Variants in FLNB observed in about 807,000 individuals in gnomAD.
The protein encoded by FLNB is filamin-B.
FLNB carries 111 observed loss-of-function variants against 250.6 expected under a neutral mutation model. The observed-to-expected ratio is 0.44, with a 90% confidence interval of 0.38 to 0.52. The LOEUF (loss-of-function observed/expected upper bound fraction) is 0.52. FLNB is among the 20% of genes least tolerant of loss of function. The probability of loss-of-function intolerance (pLI) is 0.00; values close to 1 mark genes in which losing one functional copy is unlikely to be tolerated. For missense variants in FLNB, 2,869 were observed against 3,447.8 expected (o/e 0.83, Z 4.20); for synonymous variants, 1,302 against 1,372.1 (o/e 0.95, Z 1.13).
Position 58,123,522 on chromosome 3 carries a change from A to T in FLNB, c.3556A>T (p.Lys1186Ter). The stretch of plus-strand genomic sequence containing the variant: ...AGCCGAAGTCAGTATTCAGAACAAC[A>T]AAGATGGCACCTACGCGGTGACCTA... Reference protein sequence around the residue: ...TKAEVSIQNNKDGTYAVTYVP... With the variant: ...TKAEVSIQNN Residue 1186 changes from lysine to a stop codon, truncating the protein, a stop_gained, in exon 21 of 46, where the codon AAA becomes TAA. Transcript: ENST00000295956. LOFTEE classifies it high-confidence loss of function. The T allele has an allele frequency of 6.2e-7, 1 of 1,605,486 alleles. No homozygotes were observed. The highest frequency in any genetic ancestry group is 8.5e-7 in the Non-Finnish European group (1 of 1,175,394).
chr3:58,051,709 T>C (rs1334459516), intron 1 of FLNB, among the ~76,000 whole-genome samples: 1 of 151,692 alleles, frequency 6.6e-6, no homozygotes, highest in Non-Finnish European at 1.5e-5. Flanking sequence ...CTTTTTGATG[T>C]GTAGCCAGGG....
intron 32 of FLNB, 107 bp downstream of exon 32, chr3:58,143,720 T>C: frequency 7.1e-7 from 1 of 1,412,520 alleles, no homozygotes; most frequent in Non-Finnish European, 9.8e-7. Flanking sequence ...GGCAGCAGGC[T>C]GGAGAATGCA....
At chr3:58,133,335 G>A (rs1252933706) in intron 26 of FLNB, among the ~76,000 whole-genome samples, 4 of 149,168 alleles carry the variant, frequency 2.7e-5, no homozygotes, top group Admixed American at 6.8e-5. Context: ...GGTGGGATTC[G>A]CCTGTAATCC....
chr3:58,163,407 C>T, intron 43 of FLNB, 77 bp downstream of exon 43: 2 of 1,499,162 alleles, frequency 1.3e-6, no homozygotes, highest in Non-Finnish European at 9.3e-7. Context: ...TCCTCAAGCC[C>T]CATGAAAGCT....
chr3:58,145,843 G>T (rs1287425352), intron 32 of FLNB, 78 bp from the exon 33 acceptor site: 4 of 1,591,436 alleles, frequency 2.5e-6, no homozygotes, highest in Non-Finnish European at 3.4e-6. Flanking sequence ...AGAGGTGGAC[G>T]TCAAGATGCC....
chr3:58,143,760 C>G (rs1186262942), intron 32 of FLNB, 147 bp downstream of exon 32: 1 of 959,016 alleles, frequency 1.0e-6, no homozygotes, highest in South Asian at 1.4e-5. Context: ...ACCAAACAGT[C>G]TGGGACCCTA....
chr3:58,166,929 C>T (rs754751318), intron 43 of FLNB, among the ~76,000 whole-genome samples: 2 of 152,128 alleles, frequency 1.3e-5, no homozygotes, highest in African/African-American at 4.8e-5. Flanking sequence ...AGCTCAAGAC[C>T]AGCCTGGCCA....
At chr3:58,105,367 T>G in intron 11 of FLNB, 151 bp downstream of exon 11, 1 of 957,742 alleles carries the variant, frequency 1.0e-6, no homozygotes, top group East Asian at 2.6e-5. Flanking sequence ...TGCGTGCTGC[T>G]GTACATTTGC....
Position 58,008,837 on chromosome 3 carries a change from C to T in FLNB, c.273C>T (p.Ser91=). ...SVALEFLDRE[S]IKLVSIDSKA... ...CGCTCGAGTTCCTGGACCGTGAGAG[C>T]ATCAAGCTCGTGTCCATCGGTGAGT... is the stretch of plus-strand genomic sequence containing the variant. Residue 91 remains serine, a synonymous_variant, in exon 1 of 46, where the codon AGC becomes AGT. Transcript: ENST00000295956. The T allele has an allele frequency of 8.7e-6, 14 of 1,613,844 alleles. No homozygotes were observed. The highest frequency in any genetic ancestry group is 1.2e-5 in the Non-Finnish European group (14 of 1,180,018).
rs1159952920 is a variant in FLNB at position 58,138,327 on chromosome 3, T to A, written c.4907T>A (p.Phe1636Tyr). 1 of 1,614,148 alleles carries A rather than the reference T, an allele frequency of 6.2e-7. No individual in the cohort carries two copies. The highest frequency in any genetic ancestry group is 8.5e-7 in the Non-Finnish European group (1 of 1,180,014). The change falls in exon 29 of 46, where the codon TTT (phenylalanine) becomes TAT (tyrosine). Residue 1636 changes from phenylalanine to tyrosine, a missense_variant. By Grantham distance (22) the Phe-to-Tyr change is conservative (BLOSUM62 3). Around this residue, in one of 5 missense-constraint regions of FLNB, gnomAD observed 1,084 missense variants for 1,315.5 expected, o/e 0.82. Coordinates refer to ENST00000295956, the MANE Select transcript of FLNB (RefSeq NM_001457.4). ...STVKTGEEVG[F>Y]VVDAKTAGKG... ...GTGAAAACTGGCGAAGAAGTAGGCT[T>A]TGTGGTTGATGCCAAGACTGCCGGG...
chr3:58,117,055 G>A (rs1402799546), intron 18 of FLNB, among the ~76,000 whole-genome samples: 2 of 152,158 alleles, frequency 1.3e-5, no homozygotes, highest in Non-Finnish European at 2.9e-5. Context: ...TCAGTGTCTT[G>A]TGTATGTATA....
chr3:58,125,569 T>G lies in FLNB; in HGVS notation c.3899-12T>G. 6.2e-7 allele frequency: 1 copy of G among 1,614,136 alleles called. No individual in the cohort carries two copies. Among genetic ancestry groups the G allele is most frequent in the East Asian group, 2.2e-5 (1 of 44,888 alleles). On this transcript the variant is annotated splice_polypyrimidine_tract_variant and intron_variant, in intron 22 of 45. Transcript: ENST00000295956. ...TATGCAAATATGCGTTTCTGTTTGTTGTTTTGAGCAGGTCTCCATGTAGTG... is the reference window on the plus strand; with the variant it reads ...TATGCAAATATGCGTTTCTGTTTGTGGTTTTGAGCAGGTCTCCATGTAGTG...
intron 4 of FLNB, among the ~76,000 whole-genome samples, chr3:58,084,656 G>T (rs1157524094): frequency 6.6e-6 from 1 of 152,014 alleles, no homozygotes; most frequent in Admixed American, 6.6e-5. Context: ...TTTAAGTGTG[G>T]CATTAAGTGT....
intron 1 of FLNB, among the ~76,000 whole-genome samples, chr3:58,010,790 C>A (rs949145944): frequency 1.3e-5 from 2 of 152,144 alleles, no homozygotes; most frequent in African/African-American, 4.8e-5. Context: ...CCTGATCTAC[C>A]CACTGTTTAC....
chr3:58,144,713 G>A (rs994366333), intron 32 of FLNB, among the ~76,000 whole-genome samples: 2 of 152,182 alleles, frequency 1.3e-5, no homozygotes, highest in African/African-American at 4.8e-5. Flanking sequence ...CAGTTCACAC[G>A]CCCTCTGGCC....
intron 1 of FLNB, among the ~76,000 whole-genome samples, chr3:58,072,607 C>T (rs79917702): frequency 3.4e-4 from 52 of 152,256 alleles, no homozygotes; most frequent in African/African-American, 1.1e-3. Flanking sequence ...TTGGGCAAGT[C>T]GCCATCTTTT....
At chr3:58,111,745 C>T in intron 16 of FLNB, 46 bp from the exon 17 acceptor site, 1 of 1,424,768 alleles carries the variant, frequency 7.0e-7, no homozygotes, top group Non-Finnish European at 9.9e-7. Context: ...TGAGCTCTGG[C>T]TGTTGCTTCA....
intron 22 of FLNB, 57 bp downstream of exon 22, chr3:58,124,562 C>A: frequency 6.3e-7 from 1 of 1,578,666 alleles, no homozygotes; most frequent in Non-Finnish European, 8.7e-7. Flanking sequence ...TGGTCATTGC[C>A]TCCTGGTGGC....
chr3:58,116,274 G>A (rs755259600), intron 18 of FLNB, among the ~76,000 whole-genome samples: 5 of 152,206 alleles, frequency 3.3e-5, no homozygotes, highest in Non-Finnish European at 7.3e-5. Flanking sequence ...ACGGGGGAGG[G>A]AGCATACTTT....
Sources: allele counts gnomAD v4.1 joint callset (sites outside exome capture counted in the v4.1 genomes callset), GRCh38; gene constraint gnomAD v4.1.1; regional missense constraint gnomAD v4.1.1; transcripts MANE v1.5; gene names NCBI Gene and HGNC (gene_info 2026-07-23, HGNC 2026-07-21).